The following PCDH15 variants were observed in gnomAD, a reference collection of about 807,000 sequenced individuals.
PCDH15 encodes protocadherin-15.
PCDH15 carries 129 observed loss-of-function variants against 178.5 expected under a neutral mutation model. The ratio of observed to expected loss-of-function variants is 0.72; its 90% CI spans 0.63 to 0.84. PCDH15 has a LOEUF of 0.84. PCDH15 is among the 40% of genes least tolerant of loss of function. PCDH15 has a pLI of 0.00. For synonymous variants in PCDH15, 800 were observed against 732.0 expected, an observed-to-expected ratio of 1.09 and a Z score of -1.50; for missense variants, 2,230 against 2,099.9, an observed-to-expected ratio of 1.06 and a Z score of -1.21.
At chr10:55,597,273 C>T (rs1288889638) in intron 2 of PCDH15, 1 of 152,086 alleles carries the variant, frequency 6.6e-6, no homozygotes, top group Non-Finnish European at 1.5e-5. Flanking sequence ...CACATACGTA[C>T]GTTCACGCAC....
intron 3 of PCDH15, among the ~76,000 whole-genome samples, chr10:54,517,241 C>A (rs1196455654): frequency 2.6e-5 from 4 of 152,116 alleles, no homozygotes; most frequent in Non-Finnish European, 4.4e-5. Context: ...GGGCTAAATG[C>A]TCCAATTAAA....
At chr10:55,580,478 C>G (rs546926498) in intron 2 of PCDH15, among the ~76,000 whole-genome samples, 4 of 151,834 alleles carry the variant, frequency 2.6e-5, no homozygotes, top group Non-Finnish European at 4.4e-5. Context: ...CTGCCTCAGC[C>G]TCTCGAGCAG....
chr10:53,950,396 T>G (rs547459987), intron 23 of PCDH15, among the ~76,000 whole-genome samples: 1 of 152,278 alleles, frequency 6.6e-6, no homozygotes, highest in South Asian at 2.1e-4. Context: ...CACTAAATCA[T>G]GCAATGGTTA....
intron 2 of PCDH15, among the ~76,000 whole-genome samples, chr10:54,964,025 G>T (rs1193154538): frequency 1.3e-5 from 2 of 152,172 alleles, no homozygotes; most frequent in Non-Finnish European, 2.9e-5. Flanking sequence ...GTAAGGAAGA[G>T]GAGTTGGCAA....
rs552454211 is a variant in PCDH15 at position 54,416,283 on chromosome 10, AC to A, written c.158-37342del. On this transcript the variant is annotated intron_variant, in intron 3 of 37. Coordinates refer to ENST00000644397, the MANE Select transcript of PCDH15 (RefSeq NM_001384140.1). ...TTTAAGTTGCCTCTCCTAGCTCCCCACCCCCCAAAAGGCCCTGATGTGTGTT... is the reference window on the plus strand; with the variant it reads ...TTTAAGTTGCCTCTCCTAGCTCCCCACCCCCAAAAGGCCCTGATGTGTGTT... 3.6e-4 allele frequency among the ~76,000 whole-genome samples: 54 copies of A among 151,024 alleles called. 1 individual carries two copies. Among genetic ancestry groups the A allele is most frequent in the Non-Finnish European group, 7.1e-4 (48 of 67,752 alleles).
At chr10:54,699,987 T>C (rs2132220665) in intron 1 of PCDH15, among the ~76,000 whole-genome samples, 1 of 152,136 alleles carries the variant, frequency 6.6e-6, no homozygotes, top group Non-Finnish European at 1.5e-5. Flanking sequence ...TGATGCTCAG[T>C]AAAATCCTTA....
At chr10:55,522,243 A>G (rs998064576) in intron 2 of PCDH15, among the ~76,000 whole-genome samples, 6 of 151,924 alleles carry the variant, frequency 3.9e-5, no homozygotes, top group Non-Finnish European at 8.8e-5. Context: ...AGTCATTCTA[A>G]CAGATGGGAT....
chr10:54,602,984 G>GT (rs2092605139), intron 2 of PCDH15, among the ~76,000 whole-genome samples: 1 of 151,892 alleles, frequency 6.6e-6, no homozygotes, highest in South Asian at 2.1e-4. Flanking sequence ...AAATGAGTTT[G>GT]TAAGTGTTCC....
At chr10:54,164,544 TA>T (rs1564574372) in intron 13 of PCDH15, among the ~76,000 whole-genome samples, 1 of 152,086 alleles carries the variant, frequency 6.6e-6, no homozygotes, top group Non-Finnish European at 1.5e-5. Context: ...TAATAGAGGA[TA>T]AGGGGGAAAA....
intron 2 of PCDH15, among the ~76,000 whole-genome samples, chr10:55,136,087 A>T (rs1838190360): frequency 6.6e-6 from 1 of 152,196 alleles, no homozygotes; most frequent in Admixed American, 6.5e-5. Context: ...ACTATAGAGC[A>T]AATAAAACTG....
chr10:54,705,716 A>G (rs2132288592), intron 1 of PCDH15, among the ~76,000 whole-genome samples: 1 of 152,266 alleles, frequency 6.6e-6, no homozygotes, highest in Non-Finnish European at 1.5e-5. Flanking sequence ...TTTAAGCTTT[A>G]TCTGATTTGA....
At chr10:53,967,473 T>C (rs2089162540) in intron 21 of PCDH15, among the ~76,000 whole-genome samples, 1 of 152,212 alleles carries the variant, frequency 6.6e-6, no homozygotes, top group African/African-American at 2.4e-5. Context: ...GATTTCTTTA[T>C]GTTGCCCAGG....
At chr10:53,925,707 A>T (rs1160584206) in intron 25 of PCDH15, among the ~76,000 whole-genome samples, 1 of 152,088 alleles carries the variant, frequency 6.6e-6, no homozygotes, top group South Asian at 2.1e-4. Flanking sequence ...ATATTTGTAG[A>T]GTAATAGTGT....
intron 8 of PCDH15, among the ~76,000 whole-genome samples, chr10:54,242,844 G>A (rs976459056): frequency 1.1e-4 from 16 of 152,076 alleles, no homozygotes; most frequent in Non-Finnish European, 1.2e-4. Context: ...TACATCCCTG[G>A]AAAGGTAATC....
intron 26 of PCDH15, among the ~76,000 whole-genome samples, chr10:53,897,597 TC>T (rs2082037215): frequency 2.6e-5 from 4 of 151,746 alleles, no homozygotes; most frequent in Non-Finnish European, 5.9e-5. Flanking sequence ...TTAAGTGTAT[TC>T]ACATTGTTCT....
At chr10:54,159,610 T>C (rs1190688221) in intron 13 of PCDH15, among the ~76,000 whole-genome samples, 1 of 152,180 alleles carries the variant, frequency 6.6e-6, no homozygotes, top group East Asian at 1.9e-4. Context: ...CTCTTCTTGG[T>C]TTGCTTTTTG....
chr10:54,234,263 A>T (rs1361276447), intron 9 of PCDH15, among the ~76,000 whole-genome samples: 1 of 151,980 alleles, frequency 6.6e-6, no homozygotes, highest in Admixed American at 6.6e-5. Context: ...CCTAATGCTA[A>T]TAACAATGTC....
intron 20 of PCDH15, among the ~76,000 whole-genome samples, chr10:54,002,078 C>CATATATGTATATATACATGTGTATACAT (rs2092176538): frequency 2.1e-5 from 3 of 140,958 alleles, no homozygotes; most frequent in Non-Finnish European, 4.6e-5. Context: ...TATATATATA[C>CATATATGTATATATACATGTGTATACAT]ATATATGTAT....
intron 3 of PCDH15, among the ~76,000 whole-genome samples, chr10:54,455,006 A>G (rs976654953): frequency 3.3e-5 from 5 of 152,094 alleles, no homozygotes; most frequent in African/African-American, 1.2e-4. Flanking sequence ...GTGATAGTGA[A>G]TTTGTTCTCA....
Sources: gnomAD v4.1 joint callset for allele counts (sites outside exome capture counted in the v4.1 genomes callset) on GRCh38, gnomAD v4.1.1 for gene constraint, MANE v1.5 for transcripts, NCBI Gene and HGNC (gene_info 2026-07-23, HGNC 2026-07-21) for gene names.